TGFBR2: variants seen among roughly 807,000 people sequenced by gnomAD.
TGFBR2 encodes the protein TGF-beta receptor type-2.
Under a neutral mutation model 49.0 loss-of-function variants are expected in TGFBR2, and 18 were observed. The observed-to-expected ratio is 0.37, with a 90% confidence interval of 0.25 to 0.54. TGFBR2 has a LOEUF of 0.54. Among genes scored for constraint, TGFBR2 ranks in the 20% least tolerant of loss-of-function variants. The probability of loss-of-function intolerance (pLI) is 0.85; values close to 1 mark genes in which losing one functional copy is unlikely to be tolerated. For missense variants in TGFBR2, 525 were observed against 722.6 expected (o/e 0.73, Z 3.13); for synonymous variants, 282 against 275.9 (o/e 1.02, Z -0.22).
At chr3:30,661,332 G>A (rs1383694209) in intron 3 of TGFBR2, among the ~76,000 whole-genome samples, 3 of 152,144 alleles carry the variant, frequency 2.0e-5, no homozygotes, top group African/African-American at 7.2e-5. Flanking sequence ...TCATTTCCTG[G>A]ACAAAGCCTG....
At chr3:30,620,128 A>G (rs2125450807) in intron 1 of TGFBR2, among the ~76,000 whole-genome samples, 1 of 152,264 alleles carries the variant, frequency 6.6e-6, no homozygotes, top group East Asian at 1.9e-4. Context: ...CGGAGTTTGC[A>G]GTGAGCCGAG....
At chr3:30,651,982 A>G (rs1698897302) in intron 3 of TGFBR2, among the ~76,000 whole-genome samples, 1 of 152,230 alleles carries the variant, frequency 6.6e-6, no homozygotes, top group African/African-American at 2.4e-5. Flanking sequence ...ACCTGCGAGA[A>G]GCTATGTGTC....
In TGFBR2 at chr3:30,676,090, A is replaced by C. The variant is rs1313979716; in HGVS notation, c.1396+1844A>C. ...GTTTCACTAATGTTTTCTCATGATT[A>C]GATTGAGATTACATATTTTGGGCAA... On this transcript the variant is annotated intron_variant, in intron 5 of 6. Transcript: ENST00000295754. This position sits in a 1 kb window ranked among gnomAD's most constrained non-coding sequence, Gnocchi z 4.3. Among the ~76,000 whole-genome samples the C allele has an allele frequency of 2.0e-5, 3 of 152,194 alleles. No individual in the cohort carries two copies. Among genetic ancestry groups the C allele is most frequent in the Non-Finnish European group, 4.4e-5 (3 of 68,036 alleles).
chr3:30,630,858 A>AG (rs1698423591), intron 1 of TGFBR2, among the ~76,000 whole-genome samples: 1 of 152,094 alleles, frequency 6.6e-6, no homozygotes, highest in African/African-American at 2.4e-5. Flanking sequence ...GAAGCAGGAA[A>AG]GGGGGCTCTT....
At chr3:30,647,398 C>T (rs1224409510) in intron 2 of TGFBR2, among the ~76,000 whole-genome samples, 1 of 152,126 alleles carries the variant, frequency 6.6e-6, no homozygotes, top group Non-Finnish European at 1.5e-5. Flanking sequence ...GATGCATCTC[C>T]AAAAACCTCC....
intron 5 of TGFBR2, among the ~76,000 whole-genome samples, chr3:30,680,135 CA>C (rs543752505): frequency 3.4e-4 from 51 of 148,024 alleles, no homozygotes; most frequent in South Asian, 1.3e-3. Flanking sequence ...CCCCGCCCCC[CA>C]AAAAAAATAG....
chr3:30,690,505 C>T (rs1045360101), intron 6 of TGFBR2, among the ~76,000 whole-genome samples: 1 of 152,148 alleles, frequency 6.6e-6, no homozygotes, highest in Non-Finnish European at 1.5e-5. Context: ...TGGAGCATCC[C>T]AGAGGTCATC....
chr3:30,686,423 A>G (rs754521322), intron 5 of TGFBR2, among the ~76,000 whole-genome samples: 9 of 152,196 alleles, frequency 5.9e-5, no homozygotes, highest in Non-Finnish European at 7.3e-5. Context: ...GGTTTGTCTT[A>G]ATGTGATGGG....
At chr3:30,654,740 A>C (rs539990235) in intron 3 of TGFBR2, among the ~76,000 whole-genome samples, 3 of 152,220 alleles carry the variant, frequency 2.0e-5, no homozygotes, top group Middle Eastern at 3.2e-3. Flanking sequence ...GAGAGGAAGG[A>C]ATCCTGAGCA....
At chr3:30,656,389 G>A (rs1414144546) in intron 3 of TGFBR2, among the ~76,000 whole-genome samples, 4 of 152,196 alleles carry the variant, frequency 2.6e-5, no homozygotes, top group Admixed American at 1.3e-4. Context: ...TAGTTTATCT[G>A]TGGGACTATC....
intron 1 of TGFBR2, among the ~76,000 whole-genome samples, chr3:30,610,442 C>G (rs773703211): frequency 6.6e-6 from 1 of 152,148 alleles, no homozygotes; most frequent in Admixed American, 6.5e-5. Flanking sequence ...TGCCTTGTCA[C>G]GGAGCCCCAG....
At chr3:30,680,621 A>G (rs556712382) in intron 5 of TGFBR2, among the ~76,000 whole-genome samples, 6 of 152,186 alleles carry the variant, frequency 3.9e-5, no homozygotes, top group African/African-American at 1.4e-4. Context: ...AGAAAGAAAA[A>G]TAGACTTGGG....
chr3:30,630,700 G>T (rs1698418570), intron 1 of TGFBR2, among the ~76,000 whole-genome samples: 2 of 152,266 alleles, frequency 1.3e-5, no homozygotes, highest in African/African-American at 4.8e-5. Flanking sequence ...ACGGAGATTT[G>T]GGGGAAGTGA....
intron 1 of TGFBR2, among the ~76,000 whole-genome samples, chr3:30,630,446 C>T (rs1698414236): frequency 6.6e-6 from 1 of 152,182 alleles, no homozygotes; most frequent in African/African-American, 2.4e-5. Context: ...TGGTCATTCC[C>T]CATGGATGGA....
chr3:30,661,174 A>T (rs1699119882), intron 3 of TGFBR2, among the ~76,000 whole-genome samples: 1 of 152,216 alleles, frequency 6.6e-6, no homozygotes, highest in Non-Finnish European at 1.5e-5. Flanking sequence ...GAATTAAAGA[A>T]TCAGGGCAGG....
At chr3:30,625,805 G>T (rs1698322743) in intron 1 of TGFBR2, among the ~76,000 whole-genome samples, 1 of 152,134 alleles carries the variant, frequency 6.6e-6, no homozygotes, top group African/African-American at 2.4e-5. Context: ...AATGCAGTTT[G>T]CAGTTTTTCT....
At chr3:30,663,997 G>C (rs1220819315) in intron 3 of TGFBR2, among the ~76,000 whole-genome samples, 4 of 132,272 alleles carry the variant, frequency 3.0e-5, no homozygotes, top group Admixed American at 2.3e-4. Context: ...GAGTTGGGGG[G>C]GCAGGGGGAG....
At chr3:30,687,025 CCCAAATGCTCACAGT>C (rs1476663999) in intron 5 of TGFBR2, among the ~76,000 whole-genome samples, 2 of 152,100 alleles carry the variant, frequency 1.3e-5, no homozygotes, top group African/African-American at 4.8e-5. Context: ...TCAACTTGCA[CCCAAATGCTCACAGT>C]CCAGTTAGGT....
At chr3:30,654,189 T>C (rs1208179615) in intron 3 of TGFBR2, among the ~76,000 whole-genome samples, 1 of 152,254 alleles carries the variant, frequency 6.6e-6, no homozygotes, top group Non-Finnish European at 1.5e-5. Context: ...GTGCAGAGAT[T>C]TAACATTTGT....
Sources: gnomAD v4.1 joint callset for allele counts (sites outside exome capture counted in the v4.1 genomes callset) on GRCh38, gnomAD v4.1.1 for gene constraint, Gnocchi (gnomAD v3.1) non-coding constraint, MANE v1.5 for transcripts, NCBI Gene and HGNC (gene_info 2026-07-23, HGNC 2026-07-21) for gene names.